Variants in DSCAM observed in about 807,000 individuals in gnomAD.
The protein encoded by DSCAM is DS cell adhesion molecule.
Under a neutral mutation model 217.7 loss-of-function variants are expected in DSCAM, and 47 were observed. That is an observed-to-expected ratio of 0.22 (90% CI 0.17 to 0.28). The LOEUF is 0.28. DSCAM is among the 10% of genes least tolerant of loss of function. The pLI is 1.00. For missense variants in DSCAM, 2,080 were observed against 2,618.3 expected, an observed-to-expected ratio of 0.79 and a Z score of 4.49; for synonymous variants, 1,056 against 1,015.3, an observed-to-expected ratio of 1.04 and a Z score of -0.76.
At chr21:40,546,949 T>G (rs2076588048) in intron 3 of DSCAM, among the ~76,000 whole-genome samples, 1 of 152,098 alleles carries the variant, frequency 6.6e-6, no homozygotes, top group Non-Finnish European at 1.5e-5. Flanking sequence ...TTCTAAAGGC[T>G]GATACCCCCC....
chr21:40,562,829 A>T (rs2076730961), intron 3 of DSCAM, among the ~76,000 whole-genome samples: 1 of 152,170 alleles, frequency 6.6e-6, no homozygotes, highest in South Asian at 2.1e-4. Context: ...TGCTCACAAA[A>T]ACTACTTGGA....
At chr21:40,421,736 A>C (rs2075426468) in intron 3 of DSCAM, among the ~76,000 whole-genome samples, 1 of 152,272 alleles carries the variant, frequency 6.6e-6, no homozygotes, top group African/African-American at 2.4e-5. Flanking sequence ...GGCGGAAACC[A>C]AAATGGACAA....
At chr21:40,731,728 A>ACCCCCCCCCCCCCCCCCC (rs148482159) in intron 1 of DSCAM, among the ~76,000 whole-genome samples, 3 of 79,676 alleles carry the variant, frequency 3.8e-5, no homozygotes, top group African/African-American at 8.8e-5. Flanking sequence ...TTCCCACTGC[A>ACCCCCCCCCCCCCCCCCC]CCCCCCCCCC....
chr21:40,424,148 C>T (rs145524970), intron 3 of DSCAM, among the ~76,000 whole-genome samples: 89 of 152,244 alleles, frequency 5.8e-4, no homozygotes, highest in Middle Eastern at 3.4e-3. Context: ...AGCAGCATGA[C>T]GTACCTTTTA....
At chr21:40,273,389 A>G (rs2073644779) in intron 11 of DSCAM, among the ~76,000 whole-genome samples, 1 of 152,194 alleles carries the variant, frequency 6.6e-6, no homozygotes, top group South Asian at 2.1e-4. Flanking sequence ...TTAAGAATCT[A>G]AAATTTGGCC....
Position 40,089,770 on chromosome 21 carries a change from C to T in DSCAM, c.3851-2483G>A, listed in dbSNP as rs148925012. ...GGGCTGCCCAACTGACTGTCTGCTC[C>T]ATCCTGAGGCACTCCCTAGCTTATC... On this transcript the variant is annotated intron_variant, in intron 21 of 32. Coordinates refer to ENST00000400454, the MANE Select transcript of DSCAM (RefSeq NM_001389.5). Among the ~76,000 whole-genome samples the T allele has an allele frequency of 9.7e-4, 148 of 152,238 alleles. 1 individual carries two copies. The highest frequency in any genetic ancestry group is 3.3e-3 in the African/African-American group (137 of 41,540).
At chr21:40,106,895 A>AT (rs1194867772) in intron 20 of DSCAM, among the ~76,000 whole-genome samples, 5 of 120,648 alleles carry the variant, frequency 4.1e-5, no homozygotes, top group Admixed American at 8.2e-5. Flanking sequence ...TGGTCTATCT[A>AT]TTTTATTTTT....
intron 1 of DSCAM, among the ~76,000 whole-genome samples, chr21:40,780,443 A>ATATATATATATATATATG (rs1157668991): frequency 7.0e-6 from 1 of 143,492 alleles, no homozygotes; most frequent in East Asian, 2.0e-4. Context: ...ATATATATAT[A>ATATATATATATATATATG]TATATCTCCT....
At chr21:40,447,473 A>G (rs1233413658) in intron 3 of DSCAM, among the ~76,000 whole-genome samples, 1 of 152,218 alleles carries the variant, frequency 6.6e-6, no homozygotes, top group Non-Finnish European at 1.5e-5. Flanking sequence ...ACCTCTATCC[A>G]AGGCTATAGT....
chr21:40,268,768 G>A (rs564545020), intron 11 of DSCAM, among the ~76,000 whole-genome samples: 135 of 152,168 alleles, frequency 8.9e-4, no homozygotes, highest in African/African-American at 3.0e-3. Flanking sequence ...GGCCAACATG[G>A]TGAAACCCCA....
At chr21:40,567,166 G>T (rs141314784) in intron 3 of DSCAM, among the ~76,000 whole-genome samples, 21 of 152,232 alleles carry the variant, frequency 1.4e-4, no homozygotes, top group South Asian at 8.3e-4. Flanking sequence ...GATTTTAAAA[G>T]AAATTAAAAC....
At chr21:40,560,499 G>A (rs192162994) in intron 3 of DSCAM, among the ~76,000 whole-genome samples, 211 of 152,268 alleles carry the variant, frequency 1.4e-3, no homozygotes, top group Middle Eastern at 0.01. Flanking sequence ...TTTGCACATC[G>A]GTGTTTTCAG....
intron 3 of DSCAM, among the ~76,000 whole-genome samples, chr21:40,379,384 G>C (rs2074998203): frequency 6.6e-6 from 1 of 152,168 alleles, no homozygotes; most frequent in Non-Finnish European, 1.5e-5. Context: ...GATAAATTTA[G>C]GATGATGTTG....
intron 1 of DSCAM, among the ~76,000 whole-genome samples, chr21:40,818,309 G>A (rs2123577765): frequency 6.6e-6 from 1 of 151,300 alleles, no homozygotes; most frequent in South Asian, 2.1e-4. Flanking sequence ...CACTTTGGGA[G>A]GCCGAGGCGG....
intron 11 of DSCAM, among the ~76,000 whole-genome samples, chr21:40,273,440 T>C (rs73904759): frequency 0.038 from 5,808 of 152,272 alleles, 391 homozygotes; most frequent in African/African-American, 0.13. Context: ...ACTTTAAATG[T>C]TCTCCTCTCC....
intron 3 of DSCAM, among the ~76,000 whole-genome samples, chr21:40,443,540 A>C (rs575961953): frequency 6.6e-6 from 1 of 152,252 alleles, no homozygotes; most frequent in South Asian, 2.1e-4. Context: ...ACTCCTCATG[A>C]CTAGGTTATT....
At chr21:40,811,085 T>C in intron 1 of DSCAM, among the ~76,000 whole-genome samples, 1 of 152,214 alleles carries the variant, frequency 6.6e-6, no homozygotes, top group East Asian at 1.9e-4. Flanking sequence ...CAGACTGTCA[T>C]TAAATAATAT....
chr21:40,030,057 CAT>C (rs1236249512), intron 32 of DSCAM, among the ~76,000 whole-genome samples: 25 of 152,356 alleles, frequency 1.6e-4, no homozygotes, highest in East Asian at 3.9e-4. Context: ...TGCATGGACA[CAT>C]ATATGTTGAC....
chr21:40,597,095 C>T (rs1183990174), intron 3 of DSCAM, among the ~76,000 whole-genome samples: 1 of 152,082 alleles, frequency 6.6e-6, no homozygotes, highest in Non-Finnish European at 1.5e-5. Context: ...ATTAATTTAT[C>T]ACATTTTCAG....
Sources: allele counts gnomAD v4.1 joint callset (sites outside exome capture counted in the v4.1 genomes callset), GRCh38; gene constraint gnomAD v4.1.1; transcripts MANE v1.5; gene names NCBI Gene and HGNC (gene_info 2026-07-23, HGNC 2026-07-21).